The following XYLT2 variants were observed in gnomAD, a reference collection of about 807,000 sequenced individuals.
The protein encoded by XYLT2 is xylosyltransferase 2.
Under a neutral mutation model 82.6 loss-of-function variants are expected in XYLT2, and 37 were observed. The ratio of observed to expected loss-of-function variants is 0.45; its 90% CI spans 0.34 to 0.59. XYLT2 has a LOEUF of 0.59. Ranked by LOEUF, XYLT2 falls within the 20% of genes least tolerant of loss-of-function variation. The probability of loss-of-function intolerance (pLI) is 0.01; values close to 1 mark genes in which losing one functional copy is unlikely to be tolerated. For missense variants in XYLT2, 934 were observed against 1,181.3 expected (o/e 0.79, Z 3.07); for synonymous variants, 474 against 499.0 (o/e 0.95, Z 0.67).
At chr17:50,349,583 T>C (rs1247948278) in intron 1 of XYLT2, among the ~76,000 whole-genome samples, 2 of 152,084 alleles carry the variant, frequency 1.3e-5, no homozygotes, top group African/African-American at 4.8e-5. Context: ...ACTATCTCTA[T>C]TAAAATAAAT....
chr17:50,355,832 C>A lies in XYLT2; in HGVS notation c.1140C>A (p.His380Gln). The change falls in exon 6 of 11, where the codon CAC (histidine) becomes CAA (glutamine). Residue 380 changes from histidine to glutamine, a missense_variant. Transcript: ENST00000017003. ...LDRLFHECDS[H>Q]MWRLGERQIP... is the part of the protein sequence containing the mutation. ...GGCTCTTCCATGAGTGCGACTCACA[C>A]ATGTGGCGCCTGGGCGAGCGGCAGA... 6.2e-7 allele frequency: 1 copy of A among 1,614,266 alleles called. No individual in the cohort carries two copies. Among genetic ancestry groups the A allele is most frequent in the Non-Finnish European group, 8.5e-7 (1 of 1,180,056 alleles).
At chr17:50,351,725 G>A (rs1166632858) in intron 1 of XYLT2, among the ~76,000 whole-genome samples, 1 of 152,200 alleles carries the variant, frequency 6.6e-6, no homozygotes, top group Non-Finnish European at 1.5e-5. Flanking sequence ...TGAAGTAGGA[G>A]CAGGTTGGGG....
intron 8 of XYLT2, 127 bp downstream of exon 8, chr17:50,356,900 G>T: frequency 6.7e-7 from 1 of 1,484,596 alleles, no homozygotes. Context: ...TGCAAATACC[G>T]AAAAGACGGC....
chr17:50,346,666 C>CG lies in XYLT2; in HGVS notation c.135+395dup. The CG allele has an allele frequency of 5.1e-6, 5 of 985,164 alleles. No individual in the cohort carries two copies. Among genetic ancestry groups the CG allele is most frequent in the Non-Finnish European group, 4.8e-6 (4 of 829,844 alleles). 61.0% of individuals were successfully genotyped at this position (985,164 alleles called of 1,614,324 possible). A position where few individuals can be genotyped will look rare whatever the true frequency, so the allele number is the denominator to read the frequency against. On this transcript the variant is annotated intron_variant, in intron 1 of 10. Transcript: ENST00000017003. The surrounding 1 kb of genome is among the most constrained non-coding windows in gnomAD (Gnocchi z 5.1). ...CAAACTTTCTGAAGTTGGGAGGGGG[C>CG]GGGGATATGCGCGCCGTGGGCGGAG...
chr17:50,355,184 T>A, intron 4 of XYLT2, 128 bp downstream of exon 4: 2 of 990,274 alleles, frequency 2.0e-6, no homozygotes, highest in South Asian at 1.6e-5. Context: ...TGCTCAGACA[T>A]GGGCCCCTGG....
Position 50,360,328 on chromosome 17 carries a change from A to G in XYLT2, c.*37A>G. On this transcript the variant is annotated 3_prime_UTR_variant, in exon 11 of 11. Transcript: ENST00000017003. ...CCAGTACCCGTGGAGGACCCGGGAA[A>G]TTGCACCTTACAGACAGTGGAGGGG... 1.3e-6 allele frequency: 2 copies of G among 1,526,724 alleles called. No individual in the cohort carries two copies. Among genetic ancestry groups the G allele is most frequent in the East Asian group, 2.3e-5 (1 of 42,634 alleles). The allele number at this position is 1,526,724 out of a possible 1,614,324, so 94.6% of individuals were successfully genotyped here. A position where few individuals can be genotyped will look rare whatever the true frequency, so the allele number is the denominator to read the frequency against.
In XYLT2 at chr17:50,346,133, G is replaced by A. The variant is rs1912020728; in HGVS notation, c.-8G>A. Reference sequence around the variant, plus strand: ...GCTGGGCGCGCGCCCCGCGTCCCGGGCAGGAAGATGGTGGCGAGCGCGCGA... The same window carrying A: ...GCTGGGCGCGCGCCCCGCGTCCCGGACAGGAAGATGGTGGCGAGCGCGCGA... On this transcript the variant is annotated 5_prime_UTR_variant, in exon 1 of 11. Transcript: ENST00000017003. This position sits in a 1 kb window ranked among gnomAD's most constrained non-coding sequence, Gnocchi z 5.1. 8.1e-7 allele frequency: 1 copy of A among 1,233,296 alleles called. No individual in the cohort carries two copies. Among genetic ancestry groups the A allele is most frequent in the Non-Finnish European group, 1.0e-6 (1 of 963,582 alleles). 76.4% of individuals were successfully genotyped at this position (1,233,296 alleles called of 1,614,324 possible). A position where few individuals can be genotyped will look rare whatever the true frequency, so the allele number is the denominator to read the frequency against.
intron 2 of XYLT2, 50 bp from the exon 3 acceptor site, chr17:50,354,358 C>T (rs1331224757): frequency 3.9e-6 from 6 of 1,548,542 alleles, no homozygotes; most frequent in East Asian, 2.3e-5. Flanking sequence ...ATCTCACCCC[C>T]ACCCTGTGAC....
In XYLT2 at chr17:50,360,506, G is replaced by A. The variant is rs534505673; in HGVS notation, c.*215G>A. 4 of 1,278,190 alleles carry A rather than the reference G, an allele frequency of 3.1e-6. No homozygotes were observed. The highest frequency in any genetic ancestry group is 3.0e-6 in the Non-Finnish European group (3 of 1,015,016). 79.2% of individuals were successfully genotyped at this position (1,278,190 alleles called of 1,614,324 possible). A position where few individuals can be genotyped will look rare whatever the true frequency, so the allele number is the denominator to read the frequency against. On this transcript the variant is annotated 3_prime_UTR_variant, in exon 11 of 11. Transcript: ENST00000017003. ...GAGGGCTGGCGGGAACGCGAGAAGG[G>A]CACCAGCAGCATTCCACACCCAGCT...
intron 2 of XYLT2, 73 bp downstream of exon 2, chr17:50,354,195 ATC>A: frequency 1.3e-6 from 2 of 1,587,672 alleles, no homozygotes; most frequent in East Asian, 4.5e-5. Flanking sequence ...CCTCACCCCT[ATC>A]TCTCTGAGGA....
rs2143247293 is a variant in XYLT2 at position 50,360,087 on chromosome 17, G to A, written c.2394G>A (p.Gln798=). 1 of 1,613,954 alleles carries A rather than the reference G, an allele frequency of 6.2e-7. No homozygotes were observed. The highest frequency in any genetic ancestry group is 1.1e-5 in the South Asian group (1 of 91,086). Residue 798 remains glutamine, a synonymous_variant, in exon 11 of 11, where the codon CAG becomes CAA. Transcript: ENST00000017003. ...PQPELAEEAA[Q]RHTQLTGPAL... ...CGGAGCTCGCGGAGGAGGCTGCCCAGCGGCACACACAGCTCACAGGCCCTG... is the reference window on the plus strand; with the variant it reads ...CGGAGCTCGCGGAGGAGGCTGCCCAACGGCACACACAGCTCACAGGCCCTG...
chr17:50,354,671 A>G, intron 3 of XYLT2, 88 bp downstream of exon 3: 1 of 1,390,138 alleles, frequency 7.2e-7, no homozygotes, highest in Non-Finnish European at 9.3e-7. Flanking sequence ...GACCTGGCCC[A>G]GGTAGCCTAG....
rs768166375 is a variant in XYLT2 at position 50,356,780 on chromosome 17, C to A, written c.1745+7C>A. The A allele has an allele frequency of 2.1e-5, 34 of 1,597,542 alleles. No homozygotes were observed. The highest frequency in any genetic ancestry group is 2.9e-5 in the Non-Finnish European group (34 of 1,176,862). On this transcript the variant is annotated splice_region_variant and intron_variant, in intron 8 of 10. Transcript: ENST00000017003. ...TGGGCACCCCACTCTGCAGGTGAGA[C>A]CCCCTTCTGACATACAGCAGGCCCT...
chr17:50,354,697 C>T, intron 3 of XYLT2, 114 bp downstream of exon 3: 3 of 1,522,172 alleles, frequency 2.0e-6, no homozygotes, highest in Non-Finnish European at 2.7e-6. Context: ...AAACTGAGGC[C>T]CTGAACAGGG....
intron 1 of XYLT2, among the ~76,000 whole-genome samples, chr17:50,349,782 C>G (rs1004194336): frequency 1.3e-4 from 20 of 152,194 alleles, no homozygotes; most frequent in African/African-American, 4.6e-4. Flanking sequence ...GTGAGGAGCA[C>G]AGAGAACCCA....
chr17:50,356,961 G>A, intron 8 of XYLT2, 96 bp from the exon 9 acceptor site: 1 of 1,472,284 alleles, frequency 6.8e-7, no homozygotes, highest in Non-Finnish European at 9.1e-7. Context: ...GAAAGGAAGT[G>A]CCTGGGGATG....
In XYLT2 at chr17:50,356,745, G is replaced by A. The variant is rs755067504; in HGVS notation, c.1717G>A (p.Ala573Thr). Reference protein sequence around the residue: ...RLSLHHAATAAPPMGTPLCRF... With the variant: ...RLSLHHAATATPPMGTPLCRF... ...CAGCCTGCACCATGCCGCCACTGCTGCACCCCCAATGGGCACCCCACTCTG... is the reference window on the plus strand; with the variant it reads ...CAGCCTGCACCATGCCGCCACTGCTACACCCCCAATGGGCACCCCACTCTG... The change falls in exon 8 of 11, where the codon GCA becomes ACA. Residue 573 changes from alanine to threonine, a missense_variant. Physicochemically the swap from Ala to Thr is moderately conservative, Grantham distance 58. Around this residue, in one of 3 missense-constraint regions of XYLT2, gnomAD observed 374 missense variants for 465.6 expected, o/e 0.80. Transcript: ENST00000017003. 9 of 1,605,754 alleles carry A rather than the reference G, an allele frequency of 5.6e-6. No homozygotes were observed. Among genetic ancestry groups the A allele is most frequent in the Non-Finnish European group, 6.8e-6 (8 of 1,179,852 alleles).
intron 1 of XYLT2, 90 bp from the exon 2 acceptor site, chr17:50,353,540 G>A (rs1162346499): frequency 1.3e-6 from 2 of 1,502,084 alleles, no homozygotes; most frequent in Non-Finnish European, 1.8e-6. Flanking sequence ...GGAACATCTA[G>A]GTCTGAGGGT....
At position 50,358,342 on chromosome 17, in the gene XYLT2, C is replaced by T; in HGVS notation, c.2077C>T (p.Pro693Ser). 1 of 1,614,012 alleles carries T rather than the reference C, an allele frequency of 6.2e-7. No individual in the cohort carries two copies. The change falls in exon 10 of 11, where the codon CCA becomes TCA. Residue 693 changes from proline to serine, a missense_variant. By Grantham distance (74) the Pro-to-Ser change is moderately conservative (BLOSUM62 -1). This residue lies in a region of XYLT2 where 374 missense variants were observed against 465.6 expected (regional missense o/e 0.80). Coordinates refer to ENST00000017003, the MANE Select transcript of XYLT2 (RefSeq NM_022167.4). ...NLTATVVWID[P>S]TYVVATSYDI... The stretch of plus-strand genomic sequence containing the variant: ...CACAGCCACAGTGGTCTGGATCGAC[C>T]CAACCTATGTGGTGGCCACATCTTA...
Sources: allele counts gnomAD v4.1 joint callset (sites outside exome capture counted in the v4.1 genomes callset), GRCh38; gene constraint gnomAD v4.1.1; regional missense constraint gnomAD v4.1.1; non-coding constraint Gnocchi (gnomAD v3.1); transcripts MANE v1.5; gene names NCBI Gene and HGNC (gene_info 2026-07-23, HGNC 2026-07-21).